Variants in FMN1 observed in about 807,000 individuals in gnomAD.
The protein encoded by FMN1 is formin-1.
FMN1 carries 110 observed loss-of-function variants against 132.4 expected under a neutral mutation model. The observed-to-expected ratio is 0.83, with a 90% CI of 0.71 to 0.97. The LOEUF (loss-of-function observed/expected upper bound fraction) is 0.97. FMN1 is among the 50% of genes least tolerant of loss of function. FMN1 has a pLI of 0.00. For missense variants in FMN1, 1,792 were observed against 1,705.3 expected, an observed-to-expected ratio of 1.05 and a Z score of -0.90; for synonymous variants, 722 against 651.7, an observed-to-expected ratio of 1.11 and a Z score of -1.64.
intron 4 of FMN1, among the ~76,000 whole-genome samples, chr15:33,128,445 T>G (rs959310804): frequency 1.3e-5 from 2 of 152,220 alleles, no homozygotes; most frequent in Admixed American, 1.3e-4. Context: ...AAAAGAATTT[T>G]TATTCCTATG....
intron 9 of FMN1, among the ~76,000 whole-genome samples, chr15:32,935,688 C>T (rs182551042): frequency 3.2e-4 from 49 of 151,720 alleles, no homozygotes; most frequent in Non-Finnish European, 5.9e-4. Context: ...AGTGCAATGG[C>T]GTGATCTTGG....
intron 7 of FMN1, among the ~76,000 whole-genome samples, chr15:32,982,959 A>G (rs1045213119): frequency 1.3e-5 from 2 of 152,166 alleles, no homozygotes; most frequent in African/African-American, 4.8e-5. Context: ...CCAATTCTTC[A>G]TAATAAATCT....
At chr15:33,121,767 G>C (rs1025705445) in intron 4 of FMN1, among the ~76,000 whole-genome samples, 1 of 152,160 alleles carries the variant, frequency 6.6e-6, no homozygotes, top group African/African-American at 2.4e-5. Context: ...GACCCCTCAA[G>C]TGATCCGCCT....
At chr15:33,035,916 G>A (rs929265800) in intron 6 of FMN1, among the ~76,000 whole-genome samples, 1 of 152,108 alleles carries the variant, frequency 6.6e-6, no homozygotes, top group African/African-American at 2.4e-5. Flanking sequence ...TGGGTTAATG[G>A]ACTGTCATAG....
At chr15:32,837,405 C>G (rs1430048605) in intron 17 of FMN1, 1 of 153,704 alleles carries the variant, frequency 6.5e-6, no homozygotes. Context: ...GAATCTAACT[C>G]TGGCGACAGT....
intron 16 of FMN1, among the ~76,000 whole-genome samples, chr15:32,885,666 C>T (rs1567326001): frequency 1.3e-5 from 2 of 152,258 alleles, no homozygotes; most frequent in South Asian, 2.1e-4. Flanking sequence ...TTCCATGCTA[C>T]GTTTACCTGC....
Position 33,088,777 on chromosome 15 carries a change from A to C in FMN1, c.2043+22T>G, listed in dbSNP as rs1444043486. On this transcript the variant is annotated intron_variant, in intron 5 of 20. Coordinates refer to ENST00000616417, the MANE Select transcript of FMN1 (RefSeq NM_001277313.2). ...TGTTGACCACAAAGAACCACAGCACAATCACCAAGATTTCTACTTACATGG... is the reference window on the plus strand; with the variant it reads ...TGTTGACCACAAAGAACCACAGCACCATCACCAAGATTTCTACTTACATGG... The C allele has an allele frequency of 2.6e-6, 4 of 1,529,844 alleles. No homozygotes were observed. In the South Asian group the frequency reaches 4.8e-5, roughly 18 times the overall value. 94.8% of individuals were successfully genotyped at this position (1,529,844 alleles called of 1,614,324 possible).
chr15:32,910,439 T>A, intron 11 of FMN1, 35 bp downstream of exon 11: 1 of 1,495,848 alleles, frequency 6.7e-7, no homozygotes, highest in Non-Finnish European at 9.1e-7. Context: ...AAGATAAATA[T>A]GGAAATACTA....
chr15:33,081,804 G>A (rs929682916), intron 5 of FMN1, among the ~76,000 whole-genome samples: 1 of 152,058 alleles, frequency 6.6e-6, no homozygotes, highest in South Asian at 2.1e-4. Flanking sequence ...GGAAGTGATC[G>A]GTAAGACATG....
intron 6 of FMN1, among the ~76,000 whole-genome samples, chr15:33,041,496 A>G: frequency 6.6e-6 from 1 of 151,962 alleles, no homozygotes; most frequent in African/African-American, 2.4e-5. Context: ...GACTGGAAAA[A>G]AATAGTTAAC....
chr15:32,832,700 C>A (rs940106894), intron 17 of FMN1, among the ~76,000 whole-genome samples: 3 of 152,092 alleles, frequency 2.0e-5, no homozygotes, highest in Non-Finnish European at 2.9e-5. Flanking sequence ...ATCGCTTGAA[C>A]CCGGGAGGTG....
chr15:32,896,544 C>T (rs566837745), intron 15 of FMN1, among the ~76,000 whole-genome samples: 8 of 152,232 alleles, frequency 5.3e-5, no homozygotes, highest in Non-Finnish European at 1.0e-4. Context: ...CTTCATCTTA[C>T]GTGACTGAAA....
chr15:32,838,882 C>A (rs1340890248), intron 17 of FMN1, among the ~76,000 whole-genome samples: 1 of 152,188 alleles, frequency 6.6e-6, no homozygotes, highest in African/African-American at 2.4e-5. Flanking sequence ...GAGAGCCCAG[C>A]AGTCCCCATT....
chr15:32,965,361 C>CACCAT (rs2031105528), intron 8 of FMN1, among the ~76,000 whole-genome samples: 2 of 152,076 alleles, frequency 1.3e-5, no homozygotes, highest in African/African-American at 4.8e-5. Context: ...GATTGTGCCA[C>CACCAT]TGCACTCCAG....
intron 16 of FMN1, among the ~76,000 whole-genome samples, chr15:32,864,943 G>A (rs2059357448): frequency 1.3e-5 from 2 of 152,150 alleles, no homozygotes; most frequent in African/African-American, 4.8e-5. Flanking sequence ...TGAAGTACAA[G>A]TACATACTAC....
At chr15:33,034,382 C>G (rs1009144831) in intron 6 of FMN1, among the ~76,000 whole-genome samples, 2 of 152,032 alleles carry the variant, frequency 1.3e-5, no homozygotes, top group Non-Finnish European at 2.9e-5. Flanking sequence ...TGAGACCAGC[C>G]TGGGCAACAT....
At chr15:33,137,887 G>A (rs1212722429) in intron 4 of FMN1, among the ~76,000 whole-genome samples, 5 of 152,150 alleles carry the variant, frequency 3.3e-5, no homozygotes, top group African/African-American at 7.2e-5. Flanking sequence ...AGCTGCAGTC[G>A]GCCAGACCTG....
intron 4 of FMN1, among the ~76,000 whole-genome samples, chr15:33,124,859 T>C (rs201740971): frequency 6.7e-6 from 1 of 148,904 alleles, no homozygotes; most frequent in Non-Finnish European, 1.5e-5. Flanking sequence ...TTTTTTTTTT[T>C]AATTTGGAAC....
intron 17 of FMN1, among the ~76,000 whole-genome samples, chr15:32,830,477 G>C (rs1054660492): frequency 1.3e-5 from 2 of 152,000 alleles, no homozygotes; most frequent in Non-Finnish European, 2.9e-5. Flanking sequence ...CTTTTATGAA[G>C]GAATTCCATT....
Sources: gnomAD v4.1 joint callset for allele counts (sites outside exome capture counted in the v4.1 genomes callset) on GRCh38, gnomAD v4.1.1 for gene constraint, MANE v1.5 for transcripts, NCBI Gene and HGNC (gene_info 2026-07-23, HGNC 2026-07-21) for gene names.